RNF175: variants seen among roughly 807,000 people sequenced by gnomAD.
RNF175 encodes ring finger protein 175.
In RNF175, 38 loss-of-function variants were observed where a neutral mutation model predicts 50.0. The ratio of observed to expected loss-of-function variants is 0.76; its 90% CI spans 0.59 to 1.00. The LOEUF is 1.00. Among genes scored for constraint, RNF175 ranks in the 50% least tolerant of loss-of-function variants. The probability of loss-of-function intolerance (pLI) is 0.00; values close to 1 mark genes in which losing one functional copy is unlikely to be tolerated. For synonymous variants in RNF175, 155 were observed against 146.1 expected, an observed-to-expected ratio of 1.06 and a Z score of -0.44; for missense variants, 388 against 409.6, an observed-to-expected ratio of 0.95 and a Z score of 0.46.
At chr4:153,719,901 A>G (rs1053238786) in intron 6 of RNF175, among the ~76,000 whole-genome samples, 2 of 152,224 alleles carry the variant, frequency 1.3e-5, no homozygotes, top group African/African-American at 4.8e-5. Context: ...TGCTAGATAC[A>G]ATAACATAAA....
At chr4:153,742,480 C>T (rs183947300) in intron 3 of RNF175, among the ~76,000 whole-genome samples, 2 of 152,256 alleles carry the variant, frequency 1.3e-5, no homozygotes, top group Admixed American at 1.3e-4. Flanking sequence ...ATTACGTTTG[C>T]ACAAACGTTA....
intron 4 of RNF175, among the ~76,000 whole-genome samples, chr4:153,724,768 G>A (rs1307933342): frequency 6.6e-6 from 1 of 152,008 alleles, no homozygotes; most frequent in East Asian, 1.9e-4. Flanking sequence ...GCTAGCTCCT[G>A]AAATGTGTTG....
rs1740740858 is a variant in RNF175 at position 153,759,812 on chromosome 4, G to A, written c.51C>T (p.Pro17=). Residue 17 remains proline, a synonymous_variant, in exon 1 of 9, where the codon CCC becomes CCT. Coordinates refer to ENST00000347063, the MANE Select transcript of RNF175 (RefSeq NM_173662.4). ...ARKAAPVLEA[P]PQQEQLSHTK... ...GCGCCAGTACCTGCTCCTGCTGCGG[G>A]GGGGCCTCCAGCACCGGCGCTGCCT... 6.8e-7 allele frequency: 1 copy of A among 1,477,798 alleles called. No homozygotes were observed. 91.5% of individuals were successfully genotyped at this position (1,477,798 alleles called of 1,614,324 possible).
chr4:153,713,676 C>A (rs1405675486), intron 7 of RNF175: 1 of 152,126 alleles, frequency 6.6e-6, no homozygotes, highest in Non-Finnish European at 1.5e-5. Context: ...GTATATAACT[C>A]CTCAGTATTA....
chr4:153,759,855 G>GC lies in RNF175; in HGVS notation c.7dup (p.Ala3GlyfsTer172). ...CGCTGCCTTCCGCGCCGCCGTCCCC[G>GC]CGGCCATGCCTGAGCCACTGTGCCT... On this transcript the variant is annotated frameshift_variant, in exon 1 of 9. Coordinates refer to ENST00000347063, the MANE Select transcript of RNF175 (RefSeq NM_173662.4). LOFTEE classifies it high-confidence loss of function. The GC allele has an allele frequency of 6.9e-7, 1 of 1,456,492 alleles. No individual in the cohort carries two copies. Among genetic ancestry groups the GC allele is most frequent in the Non-Finnish European group, 9.0e-7 (1 of 1,111,792 alleles). 90.2% of individuals were successfully genotyped at this position (1,456,492 alleles called of 1,614,324 possible).
intron 1 of RNF175, 80 bp from the exon 2 acceptor site, chr4:153,751,555 C>T (rs1193056951): frequency 1.1e-6 from 1 of 947,758 alleles, no homozygotes; most frequent in Non-Finnish European, 1.6e-6. Context: ...TATGGGAAAC[C>T]CAGACCATGA....
At chr4:153,742,644 C>G (rs1207048363) in intron 3 of RNF175, among the ~76,000 whole-genome samples, 2 of 152,146 alleles carry the variant, frequency 1.3e-5, no homozygotes, top group Non-Finnish European at 2.9e-5. Context: ...TCTAGCCTCT[C>G]TGCAACTAAT....
chr4:153,753,674 T>C (rs1224488378), intron 1 of RNF175, among the ~76,000 whole-genome samples: 3 of 151,528 alleles, frequency 2.0e-5, no homozygotes, highest in Non-Finnish European at 4.4e-5. Flanking sequence ...TCTCCTGCCT[T>C]AGCCTCTTGA....
intron 8 of RNF175, among the ~76,000 whole-genome samples, chr4:153,711,526 G>T (rs1438753859): frequency 6.6e-6 from 1 of 152,216 alleles, no homozygotes; most frequent in East Asian, 1.9e-4. Context: ...CATACGTATA[G>T]GGTTGGTGAG....
chr4:153,735,983 T>TAGCAAGG (rs904035561), intron 3 of RNF175, among the ~76,000 whole-genome samples: 1 of 152,250 alleles, frequency 6.6e-6, no homozygotes, highest in Non-Finnish European at 1.5e-5. Flanking sequence ...CTTGCTGCAC[T>TAGCAAGG]AGCAAGGACT....
At chr4:153,757,042 CCT>C (rs374319470) in intron 1 of RNF175, among the ~76,000 whole-genome samples, 4 of 152,286 alleles carry the variant, frequency 2.6e-5, no homozygotes, top group African/African-American at 9.6e-5. Flanking sequence ...TTCAGCCTCC[CCT>C]CTCTCCACTG....
chr4:153,752,872 A>G (rs773814634), intron 1 of RNF175, among the ~76,000 whole-genome samples: 4 of 152,174 alleles, frequency 2.6e-5, no homozygotes, highest in Admixed American at 1.3e-4. Context: ...ACGAATTGAG[A>G]TATACAAATG....
At position 153,715,667 on chromosome 4, in the gene RNF175, C is replaced by T; in HGVS notation, c.631-5G>A. On this transcript the variant is annotated splice_region_variant and splice_polypyrimidine_tract_variant and intron_variant, in intron 6 of 8. Transcript: ENST00000347063. ...CAACCGGCTGACACTGTAGAACTAT[C>T]AGAGGAAATGGACAGAGCACAGTCA... The T allele has an allele frequency of 6.2e-7, 1 of 1,613,028 alleles. No homozygotes were observed. The highest frequency in any genetic ancestry group is 1.7e-5 in the Admixed American group (1 of 59,992).
intron 3 of RNF175, among the ~76,000 whole-genome samples, chr4:153,746,141 G>T (rs1356504253): frequency 6.6e-6 from 1 of 152,188 alleles, no homozygotes; most frequent in East Asian, 1.9e-4. Flanking sequence ...AAATTAACAA[G>T]TTCTCTTCTT....
chr4:153,742,397 A>G (rs1445376225), intron 3 of RNF175, among the ~76,000 whole-genome samples: 1 of 152,200 alleles, frequency 6.6e-6, no homozygotes, highest in African/African-American at 2.4e-5. Flanking sequence ...TCAATGGTTG[A>G]GCATTCTCTC....
intron 3 of RNF175, among the ~76,000 whole-genome samples, chr4:153,743,994 C>A (rs1207726025): frequency 6.6e-6 from 1 of 152,112 alleles, no homozygotes; most frequent in Non-Finnish European, 1.5e-5. Context: ...CTGTCTTTGG[C>A]CAGGTAGAGC....
chr4:153,737,782 T>C (rs1739427409), intron 3 of RNF175, among the ~76,000 whole-genome samples: 1 of 150,336 alleles, frequency 6.7e-6, no homozygotes. Flanking sequence ...CTGTTGTTGT[T>C]GGATGAAGTA....
At chr4:153,718,218 G>GT (rs1560770428) in intron 6 of RNF175, among the ~76,000 whole-genome samples, 51 of 28,662 alleles carry the variant, frequency 1.8e-3, no homozygotes, top group Admixed American at 6.7e-3. Flanking sequence ...AGTTTTTTTT[G>GT]TTTGTTTGTT....
intron 5 of RNF175, 96 bp from the exon 6 acceptor site, chr4:153,720,400 C>T: frequency 7.5e-6 from 7 of 939,038 alleles, no homozygotes; most frequent in Non-Finnish European, 1.1e-5. Flanking sequence ...TCTAAGAGAA[C>T]CTTGTGGGTA....
Sources: gnomAD v4.1 joint callset for allele counts (sites outside exome capture counted in the v4.1 genomes callset) on GRCh38, gnomAD v4.1.1 for gene constraint, MANE v1.5 for transcripts, NCBI Gene and HGNC (gene_info 2026-07-23, HGNC 2026-07-21) for gene names.